ADGRL3: variants seen among roughly 807,000 people sequenced by gnomAD.
ADGRL3 encodes adhesion G protein-coupled receptor L3, also known as calcium-independent alpha-latrotoxin receptor 3.
In ADGRL3, 62 loss-of-function variants were observed where a neutral mutation model predicts 153.5. The observed-to-expected ratio is 0.40, with a 90% CI of 0.33 to 0.50. The LOEUF is 0.50. Ranked by LOEUF, ADGRL3 falls within the 20% of genes least tolerant of loss-of-function variation. The probability of loss-of-function intolerance (pLI) is 0.47; values close to 1 mark genes in which losing one functional copy is unlikely to be tolerated. For missense variants in ADGRL3, 1,641 were observed against 1,859.4 expected (o/e 0.88, Z 2.16); for synonymous variants, 710 against 672.5 (o/e 1.06, Z -0.86).
rs1016196869 is a variant in ADGRL3 at position 62,071,050 on chromosome 4, T to C, written c.*142T>C. The C allele has an allele frequency of 1.4e-6, 1 of 740,202 alleles. No homozygotes were observed. Among genetic ancestry groups the C allele is most frequent in the African/African-American group, 1.8e-5 (1 of 56,534 alleles). 45.9% of individuals were successfully genotyped at this position (740,202 alleles called of 1,614,324 possible). On this transcript the variant is annotated 3_prime_UTR_variant, in exon 27 of 27. Coordinates refer to ENST00000683033, the MANE Select transcript of ADGRL3 (RefSeq NM_001387552.1). ...GACAAACACAAACTCTCAGACTTTT[T>C]TTTTTTTAATGGGATTTTTAGGTCA...
At chr4:61,894,802 A>C (rs376088732) in intron 10 of ADGRL3, among the ~76,000 whole-genome samples, 3 of 152,260 alleles carry the variant, frequency 2.0e-5, no homozygotes, top group East Asian at 3.9e-4. Context: ...TTACTCTCTG[A>C]AATTCATCTT....
rs981544209 is a variant in ADGRL3, at chr4:61,269,480, C to T, written c.-240+67715C>T. Among the ~76,000 whole-genome samples, 6 of 151,704 alleles carry T rather than the reference C, an allele frequency of 4.0e-5. No homozygotes were observed. In the East Asian group the frequency reaches 1.2e-3, roughly 29 times the overall value. Reference sequence around the variant, plus strand: ...GACAGGTAGAGAAATAATCATCTTTCATTATCATGCCCACCTTTGCCAAGT... The same window carrying T: ...GACAGGTAGAGAAATAATCATCTTTTATTATCATGCCCACCTTTGCCAAGT... On this transcript the variant is annotated intron_variant, in intron 1 of 26. Transcript: ENST00000683033.
At chr4:61,329,064 A>T (rs1260607883) in intron 1 of ADGRL3, among the ~76,000 whole-genome samples, 1 of 152,172 alleles carries the variant, frequency 6.6e-6, no homozygotes. Context: ...TGCTCAACAA[A>T]AAGAGCTAAA....
intron 20 of ADGRL3, among the ~76,000 whole-genome samples, chr4:61,997,616 A>C (rs1037371585): frequency 4.6e-5 from 7 of 152,210 alleles, no homozygotes; most frequent in African/African-American, 1.7e-4. Flanking sequence ...TTTGTTTCAA[A>C]TTTTATGCTT....
rs561685486 is a variant in ADGRL3, at chr4:61,997,247, A to G, written c.3303+890A>G. 2.4e-4 allele frequency among the ~76,000 whole-genome samples: 33 copies of G among 139,732 alleles called. 1 individual carries two copies. The highest frequency in any genetic ancestry group is 8.0e-5 in the African/African-American group (3 of 37,610). The allele number at this position is 139,732 out of a possible 152,430, so 91.7% of individuals were successfully genotyped here. A position where few individuals can be genotyped will look rare whatever the true frequency, so the allele number is the denominator to read the frequency against. Reference sequence around the variant, plus strand: ...GTAATCAAATACAGTATTTCAACAGAAAAAAAAAAAAAAAGGAAAGGTAAG... The same window carrying G: ...GTAATCAAATACAGTATTTCAACAGGAAAAAAAAAAAAAAGGAAAGGTAAG... On this transcript the variant is annotated intron_variant, in intron 20 of 26. Transcript: ENST00000683033.
intron 17 of ADGRL3, among the ~76,000 whole-genome samples, chr4:61,957,662 G>A (rs540796804): frequency 4.4e-4 from 66 of 151,326 alleles, no homozygotes; most frequent in Non-Finnish European, 7.2e-4. Context: ...AACTGACAAA[G>A]ACCTTAGGAA....
rs1458211330 is a variant in ADGRL3 at position 61,245,207 on chromosome 4, A to T, written c.-240+43442A>T. 2.0e-5 allele frequency among the ~76,000 whole-genome samples: 3 copies of T among 152,082 alleles called. No homozygotes were observed. The East Asian group carries it at 5.8e-4, about 29-fold the overall frequency. On this transcript the variant is annotated intron_variant, in intron 1 of 26. Transcript: ENST00000683033. ...GAAGAAAAATCAGACAGACTTGTGG[A>T]TCAGTGCTATTACACATATAAGGTT...
At chr4:61,429,506 T>G (rs541091173) in intron 2 of ADGRL3, among the ~76,000 whole-genome samples, 4 of 152,264 alleles carry the variant, frequency 2.6e-5, no homozygotes, top group African/African-American at 9.6e-5. Flanking sequence ...AATTGTACAG[T>G]TGATGTAATT....
intron 6 of ADGRL3, among the ~76,000 whole-genome samples, chr4:61,729,378 G>C (rs923047268): frequency 6.6e-6 from 1 of 151,852 alleles, no homozygotes; most frequent in African/African-American, 2.4e-5. Flanking sequence ...ATGATATTGA[G>C]GCTTCAAAAA....
chr4:61,326,489 T>G (rs948643306), intron 1 of ADGRL3, among the ~76,000 whole-genome samples: 1 of 150,808 alleles, frequency 6.6e-6, no homozygotes, highest in Admixed American at 6.6e-5. Flanking sequence ...ATTTGTCGTT[T>G]AGTGTGAAAA....
At chr4:61,394,232 T>C (rs2096844567) in intron 2 of ADGRL3, among the ~76,000 whole-genome samples, 1 of 151,984 alleles carries the variant, frequency 6.6e-6, no homozygotes, top group East Asian at 1.9e-4. Context: ...AAGGACATAT[T>C]AGGAAAAATC....
At chr4:61,704,211 C>T (rs1021199273) in intron 6 of ADGRL3, among the ~76,000 whole-genome samples, 1 of 152,124 alleles carries the variant, frequency 6.6e-6, no homozygotes, top group Non-Finnish European at 1.5e-5. Context: ...CAGAGTCTCC[C>T]ACTTACCAGT....
chr4:61,837,792 T>G (rs2097958775), intron 9 of ADGRL3, among the ~76,000 whole-genome samples: 1 of 152,092 alleles, frequency 6.6e-6, no homozygotes, highest in Non-Finnish European at 1.5e-5. Flanking sequence ...TGAAACAACT[T>G]AAAAATAATA....
intron 1 of ADGRL3, among the ~76,000 whole-genome samples, chr4:61,301,737 T>C (rs1361282794): frequency 1.3e-5 from 2 of 152,190 alleles, no homozygotes; most frequent in Non-Finnish European, 2.9e-5. Flanking sequence ...AAGATTTTTC[T>C]GGAATATTGG....
intron 4 of ADGRL3, among the ~76,000 whole-genome samples, chr4:61,531,955 T>TTCTA (rs1285140751): frequency 7.2e-5 from 11 of 152,218 alleles, no homozygotes; most frequent in African/African-American, 2.7e-4. Context: ...AGGTGGTGTG[T>TTCTA]TCTACCACAT....
chr4:61,874,577 T>G (rs9312083), intron 9 of ADGRL3, among the ~76,000 whole-genome samples: 25,208 of 148,002 alleles, frequency 0.17, 2,275 homozygotes, highest in Non-Finnish European at 0.2. Context: ...GTCATCTTTC[T>G]TCTCGTTTGT....
chr4:61,521,041 C>G (rs1280633367), intron 4 of ADGRL3, among the ~76,000 whole-genome samples: 1 of 152,086 alleles, frequency 6.6e-6, no homozygotes, highest in Non-Finnish European at 1.5e-5. Flanking sequence ...TCTAATTACT[C>G]ATGTCACTAG....
chr4:61,831,411 TAAAAAAAAAAAAAAAAAAA>T (rs1166970099), intron 9 of ADGRL3, among the ~76,000 whole-genome samples: 1 of 37,274 alleles, frequency 2.7e-5, no homozygotes, highest in South Asian at 1.4e-3. Flanking sequence ...AGATGCTAAG[TAAAAAAAAAAAAAAAAAAA>T]AAAAAAAAAA....
chr4:61,620,222 G>A (rs1221552012), intron 5 of ADGRL3, among the ~76,000 whole-genome samples: 3 of 152,020 alleles, frequency 2.0e-5, no homozygotes, highest in African/African-American at 7.2e-5. Context: ...AAATGACAAT[G>A]AAGAGATTTT....
Sources: allele counts gnomAD v4.1 joint callset (sites outside exome capture counted in the v4.1 genomes callset), GRCh38; gene constraint gnomAD v4.1.1; transcripts MANE v1.5; gene names NCBI Gene and HGNC (gene_info 2026-07-23, HGNC 2026-07-21).